Variants in REEP3 observed in about 807,000 individuals in gnomAD.
REEP3 encodes the protein receptor accessory protein 3.
A neutral mutation model predicts 41.3 loss-of-function variants in REEP3; 20 were observed. The ratio of observed to expected loss-of-function variants is 0.48; its 90% CI spans 0.34 to 0.70. The LOEUF (loss-of-function observed/expected upper bound fraction) is 0.70. Among genes scored for constraint, REEP3 ranks in the 30% least tolerant of loss-of-function variants. REEP3 has a pLI of 0.01. For missense variants in REEP3, 271 were observed against 308.8 expected (o/e 0.88, Z 0.92); for synonymous variants, 104 against 101.8 (o/e 1.02, Z -0.13).
Position 63,594,973 on chromosome 10 carries a change from A to T in REEP3, c.182+119A>T, listed in dbSNP as rs971191902. On this transcript the variant is annotated intron_variant, in intron 3 of 7. Coordinates refer to ENST00000373758, the MANE Select transcript of REEP3 (RefSeq NM_001001330.3). The stretch of plus-strand genomic sequence containing the variant: ...CATCAGGTTACCTAATTATCCACCC[A>T]TTTGTTTTTGTCATCTGCTTTCCCA... The T allele has an allele frequency of 9.9e-6, 7 of 705,020 alleles. 1 individual carries two copies. In the South Asian group the frequency reaches 1.2e-4, roughly 12 times the overall value. 43.7% of individuals were successfully genotyped at this position (705,020 alleles called of 1,614,324 possible).
chr10:63,561,539 C>A (rs1484481255), intron 1 of REEP3, among the ~76,000 whole-genome samples: 1 of 152,216 alleles, frequency 6.6e-6, no homozygotes, highest in African/African-American at 2.4e-5. Flanking sequence ...AAATTATGTT[C>A]TGATGCCACC....
chr10:63,541,883 T>C (rs529678878), intron 1 of REEP3, among the ~76,000 whole-genome samples: 11 of 152,342 alleles, frequency 7.2e-5, no homozygotes, highest in African/African-American at 2.6e-4. Flanking sequence ...AAATTGTTTT[T>C]ATGAAATTAT....
At chr10:63,588,750 A>G (rs1231412808) in intron 2 of REEP3, among the ~76,000 whole-genome samples, 1 of 152,240 alleles carries the variant, frequency 6.6e-6, no homozygotes, top group African/African-American at 2.4e-5. Context: ...GATACATGCT[A>G]AAGAGAAAAA....
chr10:63,583,234 G>A (rs769709947), intron 2 of REEP3, among the ~76,000 whole-genome samples: 26 of 151,890 alleles, frequency 1.7e-4, no homozygotes, highest in Admixed American at 2.6e-4. Context: ...CTCATGATCC[G>A]CCCACCTCAG....
Position 63,621,244 on chromosome 10 carries a change from CT to C in REEP3, c.*379del, listed in dbSNP as rs1401272739. 2 of 157,498 alleles carry C rather than the reference CT, an allele frequency of 1.3e-5. No individual in the cohort carries two copies. The highest frequency in any genetic ancestry group is 2.8e-5 in the Non-Finnish European group (2 of 71,698). The allele number at this position is 157,498 out of a possible 1,614,324, so 9.8% of individuals were successfully genotyped here. On this transcript the variant is annotated 3_prime_UTR_variant, in exon 8 of 8. Transcript: ENST00000373758. Reference sequence around the variant, plus strand: ...CTTTGTGATGTACTGTGTTTACCTCCTTTTGTGTTGTATCTGGTAATTAAAT... The same window carrying C: ...CTTTGTGATGTACTGTGTTTACCTCCTTTGTGTTGTATCTGGTAATTAAAT...
chr10:63,569,475 C>G (rs1204346007), intron 2 of REEP3, among the ~76,000 whole-genome samples: 1 of 39,838 alleles, frequency 2.5e-5, no homozygotes, highest in Non-Finnish European at 4.7e-5. Context: ...TCTCCCAAAT[C>G]TGCTTTTTTT....
At chr10:63,531,516 G>A (rs954072531) in intron 1 of REEP3, among the ~76,000 whole-genome samples, 1 of 152,188 alleles carries the variant, frequency 6.6e-6, no homozygotes, top group Non-Finnish European at 1.5e-5. Flanking sequence ...GAGAGGGCAT[G>A]AGGCTAAAAA....
At chr10:63,541,472 A>G (rs990680042) in intron 1 of REEP3, among the ~76,000 whole-genome samples, 2 of 152,226 alleles carry the variant, frequency 1.3e-5, no homozygotes, top group Non-Finnish European at 2.9e-5. Context: ...GTACAAAAGG[A>G]TAAAGTTTCC....
chr10:63,567,138 TAATC>T (rs1955806654), intron 2 of REEP3, among the ~76,000 whole-genome samples: 1 of 152,198 alleles, frequency 6.6e-6, no homozygotes, highest in African/African-American at 2.4e-5. Context: ...TTGGTGGTGT[TAATC>T]AACAGGATAA....
intron 1 of REEP3, among the ~76,000 whole-genome samples, chr10:63,556,665 T>C (rs1354969355): frequency 7.9e-6 from 1 of 127,226 alleles, no homozygotes; most frequent in Admixed American, 8.1e-5. Context: ...AGACGGAGTC[T>C]CGCTCTGTCG....
At chr10:63,577,713 G>A (rs1353180261) in intron 2 of REEP3, among the ~76,000 whole-genome samples, 1 of 151,970 alleles carries the variant, frequency 6.6e-6, no homozygotes, top group African/African-American at 2.4e-5. Context: ...GGATTGTTAG[G>A]CATGAACCAC....
Position 63,565,471 on chromosome 10 carries a change from G to A in REEP3, c.33-867G>A, listed in dbSNP as rs528511033. ...AATGGCATTAGATTAAGTCCTATTC[G>A]TGATTTAAAGTCAATTTGTAAATGC... On this transcript the variant is annotated intron_variant, in intron 1 of 7. Transcript: ENST00000373758. Among the ~76,000 whole-genome samples the A allele has an allele frequency of 9.2e-5, 14 of 152,262 alleles. No homozygotes were observed. In the South Asian group the frequency reaches 1.7e-3, roughly 18 times the overall value.
chr10:63,571,512 G>T (rs529985383), intron 2 of REEP3, among the ~76,000 whole-genome samples: 1 of 152,038 alleles, frequency 6.6e-6, no homozygotes, highest in Admixed American at 6.6e-5. Context: ...CCATCTCTCT[G>T]GTTCTCTCTC....
intron 1 of REEP3, among the ~76,000 whole-genome samples, chr10:63,527,094 C>G (rs1053305440): frequency 3.9e-5 from 6 of 151,920 alleles, no homozygotes; most frequent in Admixed American, 1.3e-4. Flanking sequence ...TCTGGCAGTA[C>G]TCTTAAAACC....
chr10:63,612,437 G>A (rs1190038667), intron 6 of REEP3, among the ~76,000 whole-genome samples: 3 of 152,062 alleles, frequency 2.0e-5, no homozygotes, highest in Admixed American at 6.5e-5. Flanking sequence ...CTCCCAGAGT[G>A]CTGTGTGGGA....
At chr10:63,576,675 C>T (rs1426957929) in intron 2 of REEP3, among the ~76,000 whole-genome samples, 2 of 152,180 alleles carry the variant, frequency 1.3e-5, no homozygotes, top group East Asian at 3.8e-4. Context: ...GACTGATTGA[C>T]TTGAACAACA....
rs180770384 is a variant in REEP3, at chr10:63,550,929, T to C, written c.33-15409T>C. 5.9e-5 allele frequency among the ~76,000 whole-genome samples: 9 copies of C among 152,300 alleles called. No individual in the cohort carries two copies. In the East Asian group the frequency reaches 1.7e-3, roughly 29 times the overall value. On this transcript the variant is annotated intron_variant, in intron 1 of 7. Transcript: ENST00000373758. ...CAAGGGTTCACAGATATACAATATA[T>C]ACACTTCAGCAAAATTCATAAAATC...
In REEP3 at chr10:63,620,892, A is replaced by C. The variant is rs1340969372; in HGVS notation, c.*23A>C. On this transcript the variant is annotated 3_prime_UTR_variant, in exon 8 of 8. Coordinates refer to ENST00000373758, the MANE Select transcript of REEP3 (RefSeq NM_001001330.3). ...TAGTCATCTACACGTCAAATATCCC[A>C]AGACAGATTATGCTAAATACATCGA... 1 of 1,511,290 alleles carries C rather than the reference A, an allele frequency of 6.6e-7. No individual in the cohort carries two copies. The highest frequency in any genetic ancestry group is 2.3e-5 in the East Asian group (1 of 44,192). 93.6% of individuals were successfully genotyped at this position (1,511,290 alleles called of 1,614,324 possible). A position where few individuals can be genotyped will look rare whatever the true frequency, so the allele number is the denominator to read the frequency against.
Position 63,620,965 on chromosome 10 carries a change from T to C in REEP3, c.*96T>C. On this transcript the variant is annotated 3_prime_UTR_variant, in exon 8 of 8. Transcript: ENST00000373758. ...TTCAGGATTTACACATTAAAATGAT[T>C]ATTTAAATTGTGGCAGTGATGGGGT... 1.4e-6 allele frequency: 1 copy of C among 706,974 alleles called. No homozygotes were observed. Among genetic ancestry groups the C allele is most frequent in the Non-Finnish European group, 2.3e-6 (1 of 439,972 alleles). The allele number at this position is 706,974 out of a possible 1,614,324, so 43.8% of individuals were successfully genotyped here.
Sources: gnomAD v4.1 joint callset for allele counts (sites outside exome capture counted in the v4.1 genomes callset) on GRCh38, gnomAD v4.1.1 for gene constraint, MANE v1.5 for transcripts, NCBI Gene and HGNC (gene_info 2026-07-23, HGNC 2026-07-21) for gene names.